The following RBFOX1 variants were observed in gnomAD, a reference collection of about 807,000 sequenced individuals.
RBFOX1 encodes RNA binding protein fox-1 homolog 1.
Under a neutral mutation model 57.7 loss-of-function variants are expected in RBFOX1, and 8 were observed. That is an observed-to-expected ratio of 0.14 (90% confidence interval 0.08 to 0.25). The LOEUF (loss-of-function observed/expected upper bound fraction) is 0.25, where lower values mean the gene tolerates loss of function less well. Ranked by LOEUF, RBFOX1 falls within the 10% of genes least tolerant of loss-of-function variation. The pLI is 1.00. For missense variants in RBFOX1, 611 were observed against 548.5 expected (o/e 1.11, Z -1.14); for synonymous variants, 326 against 222.4 (o/e 1.47, Z -4.15).
At chr16:7,441,898 C>G (rs559397696) in intron 4 of RBFOX1, among the ~76,000 whole-genome samples, 1 of 152,218 alleles carries the variant, frequency 6.6e-6, no homozygotes, top group Non-Finnish European at 1.5e-5. Context: ...CACCCTTCCA[C>G]AAATAAACGT....
At chr16:7,041,441 A>G (rs1241805095) in intron 3 of RBFOX1, among the ~76,000 whole-genome samples, 1 of 152,002 alleles carries the variant, frequency 6.6e-6, no homozygotes, top group Admixed American at 6.6e-5. Context: ...TCTTTTAACC[A>G]TTTCATTACT....
chr16:7,011,190 T>C (rs989494503), intron 3 of RBFOX1, among the ~76,000 whole-genome samples: 1 of 152,170 alleles, frequency 6.6e-6, no homozygotes, highest in Non-Finnish European at 1.5e-5. Context: ...TTTCAATAAT[T>C]AGCAGTCATT....
intron 4 of RBFOX1, among the ~76,000 whole-genome samples, chr16:5,934,175 C>G (rs1390548436): frequency 2.0e-5 from 3 of 152,218 alleles, no homozygotes; most frequent in Non-Finnish European, 4.4e-5. Flanking sequence ...GAACATGCTG[C>G]TGTTTCGTTG....
At chr16:7,278,850 G>A (rs916131029) in intron 4 of RBFOX1, among the ~76,000 whole-genome samples, 1 of 152,174 alleles carries the variant, frequency 6.6e-6, no homozygotes, top group Non-Finnish European at 1.5e-5. Context: ...GGCCAAGGCT[G>A]TCTTGTTCTC....
chr16:5,346,720 G>A (rs1348505816), intron 1 of RBFOX1, among the ~76,000 whole-genome samples: 1 of 152,140 alleles, frequency 6.6e-6, no homozygotes, highest in East Asian at 1.9e-4. Flanking sequence ...CATGACCCTC[G>A]CTTGTGGAAG....
intron 1 of RBFOX1, among the ~76,000 whole-genome samples, chr16:6,288,378 G>A (rs1237407475): frequency 5.3e-5 from 8 of 152,134 alleles, no homozygotes; most frequent in Non-Finnish European, 1.0e-4. Context: ...CTGGGTTAGA[G>A]CCTGAGATTC....
intron 3 of RBFOX1, among the ~76,000 whole-genome samples, chr16:5,818,349 T>C (rs2055719854): frequency 6.6e-6 from 1 of 152,190 alleles, no homozygotes; most frequent in South Asian, 2.1e-4. Flanking sequence ...GGCTTGTATA[T>C]CATGGGGTTC....
At chr16:6,743,292 C>G (rs1281711889) in intron 3 of RBFOX1, among the ~76,000 whole-genome samples, 3 of 151,990 alleles carry the variant, frequency 2.0e-5, no homozygotes, top group Non-Finnish European at 4.4e-5. Flanking sequence ...AAATGAAAAA[C>G]CAATAGGTTA....
intron 4 of RBFOX1, among the ~76,000 whole-genome samples, chr16:7,299,842 G>A (rs1277039819): frequency 2.0e-5 from 3 of 152,166 alleles, no homozygotes; most frequent in African/African-American, 7.2e-5. Flanking sequence ...TTACAATGGG[G>A]TTATGTCCTA....
intron 5 of RBFOX1, among the ~76,000 whole-genome samples, chr16:7,545,982 C>CTTAT (rs2084366835): frequency 6.9e-6 from 1 of 145,526 alleles, no homozygotes; most frequent in South Asian, 2.2e-4. Flanking sequence ...ACTAGAAGCA[C>CTTAT]TTATTACTAT....
rs544537863 is a variant in RBFOX1, at chr16:5,529,026, C to G, written c.258+61772C>G. Among the ~76,000 whole-genome samples the G allele has an allele frequency of 8.5e-4, 129 of 152,174 alleles. 2 individuals are homozygous for G. Among genetic ancestry groups the G allele is most frequent in the African/African-American group, 3.1e-3 (127 of 41,528 alleles). On this transcript the variant is annotated intron_variant, in intron 2 of 2. Transcript: ENST00000585867. Reference sequence around the variant, plus strand: ...ATGCAGTGGAGTAACCACTGGCTCTCTCCCTTCTTGGACCTCCTGCTTGTG... The same window carrying G: ...ATGCAGTGGAGTAACCACTGGCTCTGTCCCTTCTTGGACCTCCTGCTTGTG...
chr16:6,457,637 G>A (rs542364160), intron 2 of RBFOX1, among the ~76,000 whole-genome samples: 1 of 152,106 alleles, frequency 6.6e-6, no homozygotes, highest in Admixed American at 6.6e-5. Context: ...TTAAGGACCC[G>A]TTTTATGAGC....
intron 4 of RBFOX1, among the ~76,000 whole-genome samples, chr16:7,053,392 G>C (rs2050779470): frequency 6.6e-6 from 1 of 152,070 alleles, no homozygotes; most frequent in Admixed American, 6.6e-5. Context: ...CTGTCTTACT[G>C]CTTTTTTCCT....
intron 4 of RBFOX1, among the ~76,000 whole-genome samples, chr16:7,455,394 C>A (rs1329160337): frequency 6.6e-6 from 1 of 152,134 alleles, no homozygotes; most frequent in Admixed American, 6.6e-5. Context: ...TTCTATCCAG[C>A]CTTACTCTCC....
chr16:6,498,082 C>G (rs577324520), intron 2 of RBFOX1, among the ~76,000 whole-genome samples: 1 of 151,806 alleles, frequency 6.6e-6, no homozygotes, highest in South Asian at 2.1e-4. Context: ...AACCCCGTCT[C>G]TACTTAAAAT....
At chr16:6,981,662 G>C (rs1013042913) in intron 3 of RBFOX1, among the ~76,000 whole-genome samples, 10 of 152,174 alleles carry the variant, frequency 6.6e-5, no homozygotes, top group Non-Finnish European at 1.2e-4. Context: ...CAGAGAATTT[G>C]TGTAGAGGAA....
At chr16:5,913,246 C>G (rs1215017251) in intron 4 of RBFOX1, among the ~76,000 whole-genome samples, 1 of 152,174 alleles carries the variant, frequency 6.6e-6, no homozygotes, top group Non-Finnish European at 1.5e-5. Flanking sequence ...TTTATTGGGA[C>G]TTATGTATCT....
intron 2 of RBFOX1, among the ~76,000 whole-genome samples, chr16:5,514,889 G>C: frequency 6.6e-6 from 1 of 152,178 alleles, no homozygotes; most frequent in East Asian, 1.9e-4. Context: ...ATAAAGAAAA[G>C]AGGTTTATTT....
intron 5 of RBFOX1, among the ~76,000 whole-genome samples, chr16:7,547,390 T>A (rs2084876518): frequency 6.6e-6 from 1 of 152,146 alleles, no homozygotes; most frequent in African/African-American, 2.4e-5. Context: ...CAAACATAAT[T>A]TATTAAGTGA....
Sources: gnomAD v4.1 joint callset for allele counts (sites outside exome capture counted in the v4.1 genomes callset) on GRCh38, gnomAD v4.1.1 for gene constraint, MANE v1.5 for transcripts, NCBI Gene and HGNC (gene_info 2026-07-23, HGNC 2026-07-21) for gene names.